Variants in SORCS3 observed in about 807,000 individuals in gnomAD.
The protein encoded by SORCS3 is VPS10 domain-containing receptor SorCS3.
Under a neutral mutation model 146.3 loss-of-function variants are expected in SORCS3, and 57 were observed. That is an observed-to-expected ratio of 0.39 (90% CI 0.31 to 0.49). The LOEUF (loss-of-function observed/expected upper bound fraction) is 0.49. Among genes scored for constraint, SORCS3 ranks in the 20% least tolerant of loss-of-function variants. The pLI, the probability that SORCS3 is intolerant of heterozygous loss-of-function variation, is 0.92. For missense variants in SORCS3, 1,341 were observed against 1,575.5 expected (o/e 0.85, Z 2.52); for synonymous variants, 653 against 618.5 (o/e 1.06, Z -0.83).
intron 3 of SORCS3, among the ~76,000 whole-genome samples, chr10:104,952,307 G>C (rs2019441049): frequency 7.7e-6 from 1 of 129,860 alleles, no homozygotes; most frequent in African/African-American, 2.8e-5. Context: ...GACACCAGCT[G>C]TTCCTAATAG....
intron 7 of SORCS3, among the ~76,000 whole-genome samples, chr10:105,110,125 A>G: frequency 6.6e-6 from 1 of 151,228 alleles, no homozygotes; most frequent in Non-Finnish European, 1.5e-5. Flanking sequence ...ACAATCTTAC[A>G]TTATTTTCTA....
chr10:104,691,530 C>T (rs2016111909), intron 1 of SORCS3, among the ~76,000 whole-genome samples: 1 of 152,162 alleles, frequency 6.6e-6, no homozygotes, highest in African/African-American at 2.4e-5. Flanking sequence ...TTGTCTGGAC[C>T]ATTTGACCCT....
At chr10:104,879,308 C>T (rs2018608276) in intron 2 of SORCS3, among the ~76,000 whole-genome samples, 1 of 152,090 alleles carries the variant, frequency 6.6e-6, no homozygotes, top group Admixed American at 6.5e-5. Context: ...CTGTTATAGG[C>T]TGCTTATATC....
intron 1 of SORCS3, among the ~76,000 whole-genome samples, chr10:104,714,975 T>C (rs1200986673): frequency 6.6e-6 from 1 of 152,122 alleles, no homozygotes; most frequent in Admixed American, 6.5e-5. Context: ...CTAAATTATA[T>C]GTGGGGTTGG....
intron 1 of SORCS3, among the ~76,000 whole-genome samples, chr10:104,704,222 C>T (rs2016312186): frequency 6.7e-6 from 1 of 149,090 alleles, no homozygotes; most frequent in African/African-American, 2.5e-5. Flanking sequence ...GGCTGGAGTG[C>T]AGTGGCACGA....
At chr10:105,032,018 C>A (rs1284833685) in intron 4 of SORCS3, among the ~76,000 whole-genome samples, 1 of 152,016 alleles carries the variant, frequency 6.6e-6, no homozygotes, top group Non-Finnish European at 1.5e-5. Flanking sequence ...CATGGAGAAA[C>A]CCCGTCTGTA....
At chr10:105,180,371 T>C (rs1349401275) in intron 14 of SORCS3, among the ~76,000 whole-genome samples, 6 of 152,206 alleles carry the variant, frequency 3.9e-5, no homozygotes, top group Non-Finnish European at 8.8e-5. Flanking sequence ...TTCACTAATA[T>C]AAACTCAGTG....
In SORCS3 at chr10:104,831,223, G is replaced by A. The variant is rs545771973; in HGVS notation, c.628-11569G>A. On this transcript the variant is annotated intron_variant, in intron 1 of 26. Coordinates refer to ENST00000369701, the MANE Select transcript of SORCS3 (RefSeq NM_014978.3). ...AGTTGCTAAACCTTCTCTGGGTAAT[G>A]TTAATTGCTTTGTAGACCTATTACA... 6.6e-5 allele frequency among the ~76,000 whole-genome samples: 10 copies of A among 152,286 alleles called. No homozygotes were observed. The East Asian group carries it at 1.5e-3, about 24-fold the overall frequency.
intron 1 of SORCS3, among the ~76,000 whole-genome samples, chr10:104,814,093 C>G (rs528858928): frequency 2.0e-5 from 3 of 151,920 alleles, no homozygotes; most frequent in African/African-American, 7.3e-5. Flanking sequence ...TATCTCTTAC[C>G]TGAATAGCTT....
At chr10:104,850,739 T>C (rs2018266029) in intron 2 of SORCS3, among the ~76,000 whole-genome samples, 1 of 152,314 alleles carries the variant, frequency 6.6e-6, no homozygotes, top group African/African-American at 2.4e-5. Flanking sequence ...ATAAAGGTAT[T>C]AGACGAAATG....
intron 20 of SORCS3, among the ~76,000 whole-genome samples, chr10:105,231,787 A>G (rs2056767044): frequency 6.6e-6 from 1 of 151,998 alleles, no homozygotes; most frequent in Non-Finnish European, 1.5e-5. Context: ...TTTTTTCTTT[A>G]GTCTGCTGAT....
At chr10:105,243,701 CA>C (rs746756442) in intron 20 of SORCS3, among the ~76,000 whole-genome samples, 11 of 152,092 alleles carry the variant, frequency 7.2e-5, no homozygotes, top group Non-Finnish European at 1.6e-4. Context: ...TTTCATTTAC[CA>C]AATAGAAAAG....
chr10:105,185,943 G>T (rs1472170740), intron 14 of SORCS3, among the ~76,000 whole-genome samples: 3 of 152,080 alleles, frequency 2.0e-5, no homozygotes, highest in East Asian at 1.9e-4. Flanking sequence ...TCTATCTGGG[G>T]TCATATCCAT....
intron 5 of SORCS3, among the ~76,000 whole-genome samples, chr10:105,071,097 C>T (rs994604678): frequency 4.6e-5 from 7 of 152,150 alleles, no homozygotes; most frequent in Admixed American, 1.3e-4. Flanking sequence ...AAGGGATCAG[C>T]TTTTTCTTCT....
At chr10:104,878,882 C>A (rs996413829) in intron 2 of SORCS3, among the ~76,000 whole-genome samples, 1 of 152,102 alleles carries the variant, frequency 6.6e-6, no homozygotes, top group East Asian at 1.9e-4. Flanking sequence ...TTGATCCCAG[C>A]CAGCAGTGCC....
intron 3 of SORCS3, among the ~76,000 whole-genome samples, chr10:104,940,118 A>G (rs925803296): frequency 6.7e-6 from 1 of 149,190 alleles, no homozygotes; most frequent in Non-Finnish European, 1.5e-5. Context: ...TCTTGATCAT[A>G]TGCTAAACAA....
At chr10:104,999,908 G>T (rs2055050696) in intron 4 of SORCS3, among the ~76,000 whole-genome samples, 1 of 152,230 alleles carries the variant, frequency 6.6e-6, no homozygotes, top group South Asian at 2.1e-4. Context: ...GTGATGGGCA[G>T]ATGAGTTTCC....
intron 1 of SORCS3, 88 bp from the exon 2 acceptor site, chr10:104,842,704 A>G (rs542194751): frequency 2.0e-4 from 200 of 989,522 alleles, no homozygotes; most frequent in Non-Finnish European, 3.0e-4. Context: ...TAGGAGATGC[A>G]TTATATATTG....
chr10:105,182,848 G>A (rs1267523238), intron 14 of SORCS3, among the ~76,000 whole-genome samples: 3 of 151,868 alleles, frequency 2.0e-5, no homozygotes, highest in Non-Finnish European at 4.4e-5. Flanking sequence ...GACTACAGGT[G>A]CTTGCTACCA....
Sources: allele counts gnomAD v4.1 joint callset (sites outside exome capture counted in the v4.1 genomes callset), GRCh38; gene constraint gnomAD v4.1.1; transcripts MANE v1.5; gene names NCBI Gene and HGNC (gene_info 2026-07-23, HGNC 2026-07-21).